The following LIPA variants were observed in gnomAD, a reference collection of about 807,000 sequenced individuals.
The protein encoded by LIPA is lysosomal acid lipase/cholesteryl ester hydrolase.
LIPA carries 26 observed loss-of-function variants against 40.6 expected under a neutral mutation model. The observed-to-expected ratio is 0.64, with a 90% confidence interval of 0.47 to 0.89. The LOEUF is 0.89. LIPA is among the 40% of genes least tolerant of loss of function. LIPA has a pLI of 0.00. For missense variants in LIPA, 455 were observed against 479.6 expected (o/e 0.95, Z 0.48); for synonymous variants, 188 against 168.4 (o/e 1.12, Z -0.90).
chr10:89,354,075 AT>A (rs1843976323), intron 2 of LIPA, among the ~76,000 whole-genome samples: 1 of 152,054 alleles, frequency 6.6e-6, no homozygotes, highest in African/African-American at 2.4e-5. Flanking sequence ...CCCTCAGTCG[AT>A]TTCTTTCTTC....
intron 1 of LIPA, among the ~76,000 whole-genome samples, chr10:89,266,188 A>G (rs1279201370): frequency 6.6e-6 from 1 of 152,252 alleles, no homozygotes; most frequent in Non-Finnish European, 1.5e-5. Flanking sequence ...GTCATTTAAC[A>G]GCTGACGCAG....
chr10:89,228,089 C>T (rs1210037249), intron 4 of LIPA, 111 bp downstream of exon 4: 5 of 892,666 alleles, frequency 5.6e-6, no homozygotes, highest in Non-Finnish European at 9.4e-6. Flanking sequence ...CTAACTTCCC[C>T]TCTCATACAA....
intron 1 of LIPA, among the ~76,000 whole-genome samples, chr10:89,298,651 C>T (rs1028618280): frequency 2.0e-5 from 3 of 151,994 alleles, no homozygotes; most frequent in Non-Finnish European, 4.4e-5. Context: ...AATACAATTC[C>T]CCAGCAACAG....
intron 5 of LIPA, among the ~76,000 whole-genome samples, chr10:89,226,578 T>C (rs1407824262): frequency 6.6e-6 from 1 of 152,222 alleles, no homozygotes; most frequent in African/African-American, 2.4e-5. Context: ...GGCAGTATAT[T>C]TTCTTGTTTT....
chr10:89,299,680 A>T (rs1057402336), intron 1 of LIPA, among the ~76,000 whole-genome samples: 2 of 151,964 alleles, frequency 1.3e-5, no homozygotes, highest in Middle Eastern at 3.2e-3. Context: ...ACTCAACATC[A>T]CTCAACCCCA....
intron 2 of LIPA, among the ~76,000 whole-genome samples, chr10:89,374,754 G>GA (rs1306331114): frequency 6.6e-6 from 1 of 152,196 alleles, no homozygotes; most frequent in Admixed American, 6.5e-5. Context: ...ACTGGAGAGA[G>GA]AGAGCTGAGA....
intron 1 of LIPA, chr10:89,306,369 T>G (rs777714474): frequency 8.1e-6 from 13 of 1,613,974 alleles, no homozygotes. Context: ...AGTCCAGAGC[T>G]TGACTGTGAG....
intron 1 of LIPA, among the ~76,000 whole-genome samples, chr10:89,282,522 C>T (rs1843321344): frequency 6.6e-6 from 1 of 152,170 alleles, no homozygotes; most frequent in Non-Finnish European, 1.5e-5. Flanking sequence ...TGCCTATAAT[C>T]CCAGCTACTC....
At chr10:89,402,859 C>CA (rs763142417) in intron 2 of LIPA, 1,153 of 1,614,138 alleles carry the variant, frequency 7.1e-4, no homozygotes, top group Admixed American at 1.5e-3. Context: ...AAATTAGCCA[C>CA]AAAAAATCAC....
At chr10:89,341,313 G>A (rs1843867747) in intron 1 of LIPA, among the ~76,000 whole-genome samples, 1 of 152,210 alleles carries the variant, frequency 6.6e-6, no homozygotes, top group Non-Finnish European at 1.5e-5. Context: ...CAAAAGGGCA[G>A]AGATCCATCC....
intron 3 of LIPA, among the ~76,000 whole-genome samples, chr10:89,229,087 A>T (rs1242346489): frequency 6.6e-6 from 1 of 152,258 alleles, no homozygotes; most frequent in Non-Finnish European, 1.5e-5. Context: ...CATAATTGCC[A>T]AAATTTAGAA....
At chr10:89,343,414 G>C (rs963201102), upstream of LIPA, among the ~76,000 whole-genome samples, 2 of 152,174 alleles carry the variant, frequency 1.3e-5, no homozygotes, top group Non-Finnish European at 1.5e-5. Flanking sequence ...AGAAGGGAGA[G>C]AGTGACCTTC....
chr10:89,228,574 C>T (rs1476822491), intron 3 of LIPA, among the ~76,000 whole-genome samples, 176 bp from the exon 4 acceptor site: 2 of 152,184 alleles, frequency 1.3e-5, no homozygotes, highest in African/African-American at 4.8e-5. Context: ...TTTTTTAAAA[C>T]AGCACTGGCA....
chr10:89,303,009 CAAA>C (rs11420925), intron 1 of LIPA, among the ~76,000 whole-genome samples: 2 of 132,148 alleles, frequency 1.5e-5, no homozygotes, highest in Non-Finnish European at 3.3e-5. Context: ...TGCCTGATTT[CAAA>C]AAAAAAAAAA....
intron 1 of LIPA, among the ~76,000 whole-genome samples, chr10:89,298,378 C>T (rs1446613549): frequency 2.0e-5 from 3 of 152,212 alleles, no homozygotes; most frequent in Non-Finnish European, 4.4e-5. Flanking sequence ...AGAATAAACC[C>T]CACCCTAAAC....
At position 89,377,348 on chromosome 10, in the gene LIPA, A is replaced by G. The variant is rs190889864; in HGVS notation, c.61+35443T>C. On this transcript the variant is annotated intron_variant, in intron 2 of 8. Transcript: ENST00000371837. ...CATGACCCCATCACATTCTCTGACTACATTGCATATGTTTCTCTACTGACC... is the reference window on the plus strand; with the variant it reads ...CATGACCCCATCACATTCTCTGACTGCATTGCATATGTTTCTCTACTGACC... Among the ~76,000 whole-genome samples the G allele has an allele frequency of 7.9e-4, 120 of 152,346 alleles. 2 individuals are homozygous for G. The East Asian group carries it at 0.02, about 25-fold the overall frequency.
chr10:89,327,455 G>T (rs1319237543), intron 1 of LIPA, among the ~76,000 whole-genome samples: 1 of 152,056 alleles, frequency 6.6e-6, no homozygotes, highest in African/African-American at 2.4e-5. Flanking sequence ...GGAGGCTGAG[G>T]CAAGAGAATC....
intron 1 of LIPA, chr10:89,307,620 T>C: frequency 5.2e-6 from 2 of 387,314 alleles, no homozygotes; most frequent in Non-Finnish European, 4.7e-6. Flanking sequence ...TATTTCTCGA[T>C]TGACTTCTTG....
chr10:89,327,946 C>G (rs1290060102), intron 1 of LIPA: 1 of 829,508 alleles, frequency 1.2e-6, no homozygotes, highest in African/African-American at 1.8e-5. Context: ...TCAGCTGATG[C>G]GTGCCCTACT....
Sources: gnomAD v4.1 joint callset for allele counts (sites outside exome capture counted in the v4.1 genomes callset) on GRCh38, gnomAD v4.1.1 for gene constraint, MANE v1.5 for transcripts, NCBI Gene and HGNC (gene_info 2026-07-23, HGNC 2026-07-21) for gene names.